FOXR1: variants seen among roughly 807,000 people sequenced by gnomAD.
FOXR1 encodes the protein forkhead box protein R1.
Under a neutral mutation model 34.5 loss-of-function variants are expected in FOXR1, and 25 were observed. The observed-to-expected ratio is 0.72, with a 90% CI of 0.53 to 1.01. FOXR1 has a LOEUF of 1.01. FOXR1 is among the 50% of genes least tolerant of loss of function. The probability of loss-of-function intolerance (pLI) is 0.00; values close to 1 mark genes in which losing one functional copy is unlikely to be tolerated. For missense variants in FOXR1, 373 were observed against 376.2 expected, an observed-to-expected ratio of 0.99 and a Z score of 0.07; for synonymous variants, 153 against 141.6, an observed-to-expected ratio of 1.08 and a Z score of -0.57.
In FOXR1 at chr11:118,981,215, G is replaced by GC; in HGVS notation, c.861dup (p.Phe288LeufsTer4). On this transcript the variant is annotated frameshift_variant, in exon 6 of 6. Transcript: ENST00000317011. LOFTEE classifies it high-confidence loss of function. The stretch of plus-strand genomic sequence containing the variant: ...TCTCTCCTTTTCTTACAGATGTGAT[G>GC]CCCTTCCTCTTTGATCTTTAACCCC... 6.2e-7 allele frequency: 1 copy of GC among 1,614,138 alleles called. No homozygotes were observed. Among genetic ancestry groups the GC allele is most frequent in the East Asian group, 2.2e-5 (1 of 44,888 alleles).
chr11:118,979,728 C>T, intron 4 of FOXR1, 60 bp downstream of exon 4: 2 of 1,449,420 alleles, frequency 1.4e-6, no homozygotes, highest in South Asian at 1.4e-5. Flanking sequence ...GGGCTGATGC[C>T]TTCCAATCCA....
intron 1 of FOXR1, among the ~76,000 whole-genome samples, chr11:118,978,142 T>C (rs2134484434): frequency 6.6e-6 from 1 of 151,470 alleles, no homozygotes; most frequent in East Asian, 1.9e-4. Flanking sequence ...CACTTGAACC[T>C]GGGAGGCAGA....
At chr11:118,976,909 T>C (rs1941785708) in intron 1 of FOXR1, among the ~76,000 whole-genome samples, 9 of 152,226 alleles carry the variant, frequency 5.9e-5, no homozygotes. Flanking sequence ...TAAGTTTGTG[T>C]TGACCTTTTA....
At chr11:118,975,022 T>C (rs1941762680) in intron 1 of FOXR1, among the ~76,000 whole-genome samples, 1 of 152,134 alleles carries the variant, frequency 6.6e-6, no homozygotes, top group African/African-American at 2.4e-5. Context: ...AAGTGGGGAC[T>C]GCAGATGTAA....
Position 118,978,938 on chromosome 11 carries a change from A to C in FOXR1, c.137-19A>C. 1 of 1,613,292 alleles carries C rather than the reference A, an allele frequency of 6.2e-7. No individual in the cohort carries two copies. The highest frequency in any genetic ancestry group is 8.5e-7 in the Non-Finnish European group (1 of 1,179,596). Reference sequence around the variant, plus strand: ...CCAAAGCCAGTGGGCTGTGGCACACAATCTTTTGTTCTGCACAGGTCCAGA... The same window carrying C: ...CCAAAGCCAGTGGGCTGTGGCACACCATCTTTTGTTCTGCACAGGTCCAGA... On this transcript the variant is annotated intron_variant, in intron 2 of 5. Transcript: ENST00000317011.
chr11:118,980,164 T>G (rs1592029718), intron 4 of FOXR1: 2 of 548,436 alleles, frequency 3.6e-6, no homozygotes, highest in Admixed American at 2.2e-5. Flanking sequence ...TTAGGAGAAG[T>G]GCCTAATGTC....
chr11:118,974,217 G>C (rs1252478324), intron 1 of FOXR1, among the ~76,000 whole-genome samples: 1 of 152,194 alleles, frequency 6.6e-6, no homozygotes, highest in African/African-American at 2.4e-5. Context: ...CTTTGAGTCA[G>C]ATGAGGATTG....
In FOXR1 at chr11:118,979,006, G is replaced by A. The variant is rs1941813344; in HGVS notation, c.186G>A (p.Val62=). The A allele has an allele frequency of 2.5e-6, 4 of 1,602,112 alleles. No homozygotes were observed. Among genetic ancestry groups the A allele is most frequent in the African/African-American group, 1.3e-5 (1 of 74,482 alleles). The change falls in exon 3 of 6, where the codon GTG becomes GTA. Residue 62 remains valine, a synonymous_variant. Transcript: ENST00000317011. ...NLWMWVNPNI[V]YPPGKLEVSG... is the part of the protein sequence containing the mutation. ...GGATGTGGGTAAATCCCAACATTGT[G>A]TATCCCCCTGGAAAGCTGGAGGTCT...
At chr11:118,973,941 G>A (rs553257161) in intron 1 of FOXR1, among the ~76,000 whole-genome samples, 3 of 150,526 alleles carry the variant, frequency 2.0e-5, no homozygotes, top group Non-Finnish European at 4.4e-5. Context: ...CAAGTGATCC[G>A]CTTCCCTCAG....
In FOXR1 at chr11:118,971,981, C is replaced by T. The variant is rs778100697; in HGVS notation, c.50C>T (p.Ala17Val). The T allele has an allele frequency of 6.5e-6, 10 of 1,544,916 alleles. No homozygotes were observed. In the South Asian group the frequency reaches 1.2e-4, roughly 18 times the overall value. Reference sequence around the variant, plus strand: ...TTCACCACATCTCACCTCCCCTTAGCGGAGCAGAAACGTGAGTAGCGGGTG... The same window carrying T: ...TTCACCACATCTCACCTCCCCTTAGTGGAGCAGAAACGTGAGTAGCGGGTG... ...LAFTTSHLPL[A>V]EQKLARYKLR... The change falls in exon 1 of 6, where the codon GCG (alanine) becomes GTG (valine). Residue 17 changes from alanine (A) to valine (V), a missense_variant. Ala to Val is a moderately conservative substitution (Grantham distance 64, BLOSUM62 0). Transcript: ENST00000317011.
chr11:118,978,327 C>T (rs1469950883), intron 1 of FOXR1, among the ~76,000 whole-genome samples: 1 of 152,076 alleles, frequency 6.6e-6, no homozygotes, highest in African/African-American at 2.4e-5. Flanking sequence ...TGCACTCCAG[C>T]CTGTGCAACA....
In FOXR1 at chr11:118,979,688, C is replaced by T. The variant is rs781877663; in HGVS notation, c.611+20C>T. On this transcript the variant is annotated intron_variant, in intron 4 of 5. Coordinates refer to ENST00000317011, the MANE Select transcript of FOXR1 (RefSeq NM_181721.3). The stretch of plus-strand genomic sequence containing the variant: ...CACTCGGTATGTGCCGGGGGCCCTG[C>T]GAGGAGGGGGAAGTGGGGGCCAGGG... The T allele has an allele frequency of 2.6e-5, 40 of 1,554,382 alleles. No individual in the cohort carries two copies. The highest frequency in any genetic ancestry group is 6.1e-5 in the South Asian group (5 of 81,998).
chr11:118,973,440 T>TG (rs1352826762), intron 1 of FOXR1, among the ~76,000 whole-genome samples: 1 of 152,116 alleles, frequency 6.6e-6, no homozygotes, highest in Non-Finnish European at 1.5e-5. Context: ...TTTTTTGAGA[T>TG]GGAGTCTGGC....
chr11:118,974,607 C>G (rs939906958), intron 1 of FOXR1, among the ~76,000 whole-genome samples: 11 of 152,196 alleles, frequency 7.2e-5, no homozygotes, highest in African/African-American at 2.4e-4. Context: ...CTCATGTTTT[C>G]TTTACTGGAC....
chr11:118,979,511 A>C lies in FOXR1; in HGVS notation c.454A>C (p.Arg152=). Residue 152 remains arginine (R), a synonymous_variant, in exon 4 of 6, where the codon AGG becomes CGG. Transcript: ENST00000317011. ...SSMALPSPHK[R]APLQSRRLRQ... The stretch of plus-strand genomic sequence containing the variant: ...TATGGCTCTCCCATCCCCTCACAAA[A>C]GGGCCCCCCTCCAGAGTCGGAGGCT... The C allele has an allele frequency of 6.2e-7, 1 of 1,613,220 alleles. No individual in the cohort carries two copies. Among genetic ancestry groups the C allele is most frequent in the Non-Finnish European group, 8.5e-7 (1 of 1,179,560 alleles).
chr11:118,979,731 C>T, intron 4 of FOXR1, 63 bp downstream of exon 4: 1 of 1,426,158 alleles, frequency 7.0e-7, no homozygotes, highest in Non-Finnish European at 9.5e-7. Flanking sequence ...CTGATGCCTT[C>T]CAATCCATCC....
At chr11:118,981,287 CCTT>C, downstream of FOXR1, 13 of 1,585,862 alleles carry the variant, frequency 8.2e-6, no homozygotes, top group Non-Finnish European at 1.1e-5. Flanking sequence ...CCCTCACTAG[CCTT>C]CTGTGTGTGT....
chr11:118,979,225 G>C, intron 3 of FOXR1, 21 bp downstream of exon 3: 1 of 1,515,026 alleles, frequency 6.6e-7, no homozygotes, highest in Non-Finnish European at 8.8e-7. Context: ...TTGGGGATGG[G>C]AGTGGGACTT....
intron 5 of FOXR1, 151 bp downstream of exon 5, chr11:118,980,879 G>C: frequency 1.2e-6 from 1 of 827,922 alleles, no homozygotes; most frequent in Non-Finnish European, 1.8e-6. Context: ...GAGACCCTCA[G>C]GTGATGCCTG....
Sources: allele counts gnomAD v4.1 joint callset (sites outside exome capture counted in the v4.1 genomes callset), GRCh38; gene constraint gnomAD v4.1.1; transcripts MANE v1.5; gene names NCBI Gene and HGNC (gene_info 2026-07-23, HGNC 2026-07-21).